Variants in SEPTIN10 observed in about 807,000 individuals in gnomAD.
SEPTIN10 encodes the protein septin 10.
In SEPTIN10, 66 loss-of-function variants were observed where a neutral mutation model predicts 54.8. That is an observed-to-expected ratio of 1.21 (90% CI 0.99 to 1.48). The LOEUF is 1.48. Ranked by LOEUF, SEPTIN10 falls within the 40% of genes most tolerant of loss-of-function variation. SEPTIN10 has a pLI of 0.00. For synonymous variants in SEPTIN10, 161 were observed against 181.0 expected, an observed-to-expected ratio of 0.89 and a Z score of 0.89; for missense variants, 620 against 545.6, an observed-to-expected ratio of 1.14 and a Z score of -1.36.
chr2:109,546,484 C>G (rs1163236232), intron 9 of SEPTIN10, among the ~76,000 whole-genome samples: 1 of 151,846 alleles, frequency 6.6e-6, no homozygotes, highest in African/African-American at 2.4e-5. Flanking sequence ...ATTTTTAAAA[C>G]ATTGTGAACT....
At chr2:109,544,903 C>T in intron 10 of SEPTIN10, 1 of 940,650 alleles carries the variant, frequency 1.1e-6, no homozygotes, top group Non-Finnish European at 1.3e-6. Flanking sequence ...AAAGATCATA[C>T]ATGAGAATTC....
chr2:109,572,685 C>T (rs1211617562), intron 5 of SEPTIN10, among the ~76,000 whole-genome samples: 1 of 144,036 alleles, frequency 6.9e-6, no homozygotes, highest in Non-Finnish European at 1.5e-5. Context: ...GGTGCAATCT[C>T]GGATTACCAC....
chr2:109,595,926 T>C (rs1695207170), intron 1 of SEPTIN10, among the ~76,000 whole-genome samples: 1 of 152,200 alleles, frequency 6.6e-6, no homozygotes, highest in Non-Finnish European at 1.5e-5. Flanking sequence ...CCTAACATAC[T>C]ACCTGCTTGC....
At chr2:109,549,348 A>G (rs561481985) in intron 9 of SEPTIN10, among the ~76,000 whole-genome samples, 1 of 152,356 alleles carries the variant, frequency 6.6e-6, no homozygotes, top group African/African-American at 2.4e-5. Context: ...GTCACACAGC[A>G]CTTTATACAT....
chr2:109,551,310 G>A (rs533653194), intron 9 of SEPTIN10, among the ~76,000 whole-genome samples: 1 of 152,292 alleles, frequency 6.6e-6, no homozygotes, highest in African/African-American at 2.4e-5. Context: ...TTAAATAACA[G>A]TCCTTTAATA....
chr2:109,581,224 G>A (rs1252834885), intron 4 of SEPTIN10, among the ~76,000 whole-genome samples: 2 of 152,150 alleles, frequency 1.3e-5, no homozygotes, highest in Admixed American at 1.3e-4. Flanking sequence ...CAGATCACCT[G>A]AGGTCAGGAG....
rs1036167674 is a variant in SEPTIN10, at chr2:109,613,887, C to T, written c.-60G>A. On this transcript the variant is annotated 5_prime_UTR_variant, in exon 1 of 11. Coordinates refer to ENST00000397712, the MANE Select transcript of SEPTIN10 (RefSeq NM_144710.5). ...CAGCCCGGCCCCGAGCGGCTGGTCC[C>T]GGCGACGGCGGCGGGAAGGCCGGAG... 13 of 1,221,240 alleles carry T rather than the reference C, an allele frequency of 1.1e-5. No homozygotes were observed. Among genetic ancestry groups the T allele is most frequent in the African/African-American group, 6.3e-5 (4 of 63,722 alleles). 75.7% of individuals were successfully genotyped at this position (1,221,240 alleles called of 1,614,324 possible).
rs148890893 is a variant in SEPTIN10 at position 109,578,703 on chromosome 2, G to T, written c.414-3936C>A. On this transcript the variant is annotated intron_variant, in intron 4 of 10. Transcript: ENST00000397712. ...AATCGCTTGAACCTGGGAGGCGGTG[G>T]TTACAGTGAACCGAGATTGTGCCAC... Among the ~76,000 whole-genome samples, 188 of 152,030 alleles carry T rather than the reference G, an allele frequency of 1.2e-3. 4 individuals carry two copies. The East Asian group carries it at 0.034, about 28-fold the overall frequency.
At chr2:109,574,528 C>A (rs1689167817) in intron 5 of SEPTIN10, 53 bp downstream of exon 5, 11 of 1,034,306 alleles carry the variant, frequency 1.1e-5, no homozygotes, top group South Asian at 9.7e-5. Flanking sequence ...AATATTTTAA[C>A]AGTTAAAAAT....
chr2:109,544,145 G>A lies in SEPTIN10; in HGVS notation c.*164C>T, dbSNP rs1320774269. On this transcript the variant is annotated 3_prime_UTR_variant, in exon 11 of 11. Transcript: ENST00000397712. ...TATCATTCACTCTGGCTTATGTATT[G>A]ACCTTGTACTTGAAAGTACTTTTCC... 6.5e-7 allele frequency: 1 copy of A among 1,545,836 alleles called. No individual in the cohort carries two copies. The highest frequency in any genetic ancestry group is 8.7e-7 in the Non-Finnish European group (1 of 1,148,530).
chr2:109,553,328 T>G (rs898516280), intron 8 of SEPTIN10, 109 bp from the exon 9 acceptor site: 2 of 1,116,320 alleles, frequency 1.8e-6, no homozygotes, highest in Non-Finnish European at 2.6e-6. Context: ...GTGGATCACC[T>G]AAGGTCAGGA....
chr2:109,584,582 G>C (rs1456190894), intron 4 of SEPTIN10, among the ~76,000 whole-genome samples: 1 of 151,090 alleles, frequency 6.6e-6, no homozygotes, highest in Non-Finnish European at 1.5e-5. Flanking sequence ...AAATTTGATA[G>C]AGCATAGAAT....
chr2:109,564,656 T>A (rs1263743223), intron 7 of SEPTIN10, 122 bp from the exon 8 acceptor site: 2 of 828,546 alleles, frequency 2.4e-6, no homozygotes, highest in Non-Finnish European at 3.4e-6. Flanking sequence ...AATGATCAGT[T>A]TGATTAACAG....
chr2:109,600,448 G>A (rs1473132893), intron 1 of SEPTIN10, among the ~76,000 whole-genome samples: 1 of 150,204 alleles, frequency 6.7e-6, no homozygotes, highest in African/African-American at 2.5e-5. Context: ...TAAATTCCTA[G>A]AATATAATTC....
Position 109,544,065 on chromosome 2 carries a change from A to C in SEPTIN10, c.*244T>G. On this transcript the variant is annotated 3_prime_UTR_variant, in exon 11 of 11. Coordinates refer to ENST00000397712, the MANE Select transcript of SEPTIN10 (RefSeq NM_144710.5). ...GTCAAGTCAGTGCTCAAAAAGATTC[A>C]GATTTTGAAGCTTCTGGATTTCAGA... The C allele has an allele frequency of 1.2e-5, 15 of 1,271,152 alleles. No homozygotes were observed. The highest frequency in any genetic ancestry group is 1.6e-5 in the Non-Finnish European group (15 of 923,760). The allele number at this position is 1,271,152 out of a possible 1,614,324, so 78.7% of individuals were successfully genotyped here.
intron 1 of SEPTIN10, among the ~76,000 whole-genome samples, chr2:109,599,846 T>C (rs1573815336): frequency 6.6e-6 from 1 of 152,230 alleles, no homozygotes; most frequent in Non-Finnish European, 1.5e-5. Flanking sequence ...AAATTTATTA[T>C]AGAAAAAATA....
At chr2:109,574,443 TAA>T (rs55980206) in intron 5 of SEPTIN10, 136 bp downstream of exon 5, 27,695 of 269,008 alleles carry the variant, frequency 0.1, 415 homozygotes, top group African/African-American at 0.18. Context: ...ACTTTATCTC[TAA>T]AAAAAAAAAA....
intron 6 of SEPTIN10, among the ~76,000 whole-genome samples, chr2:109,566,441 C>T (rs1028894675): frequency 2.6e-5 from 4 of 151,636 alleles, no homozygotes; most frequent in South Asian, 2.1e-4. Flanking sequence ...CACACCTGGC[C>T]GAAAAAGAAT....
intron 4 of SEPTIN10, among the ~76,000 whole-genome samples, chr2:109,584,174 T>C (rs1265308842): frequency 1.3e-5 from 2 of 152,058 alleles, no homozygotes; most frequent in Admixed American, 1.3e-4. Context: ...GGAAAAAAAT[T>C]ACTTACAAAA....
Sources: gnomAD v4.1 joint callset for allele counts (sites outside exome capture counted in the v4.1 genomes callset) on GRCh38, gnomAD v4.1.1 for gene constraint, MANE v1.5 for transcripts, NCBI Gene and HGNC (gene_info 2026-07-23, HGNC 2026-07-21) for gene names.